The following SLC7A1 variants were observed in gnomAD, a reference collection of about 807,000 sequenced individuals.
SLC7A1 encodes the protein high affinity cationic amino acid transporter 1.
SLC7A1 carries 10 observed loss-of-function variants against 53.9 expected under a neutral mutation model. The ratio of observed to expected loss-of-function variants is 0.19; its 90% CI spans 0.11 to 0.31. SLC7A1 has a LOEUF of 0.31. Among genes scored for constraint, SLC7A1 ranks in the 10% least tolerant of loss-of-function variants. The pLI is 1.00. For missense variants in SLC7A1, 525 were observed against 827.2 expected (o/e 0.63, Z 4.48); for synonymous variants, 342 against 338.7 (o/e 1.01, Z -0.11).
At position 29,567,314 on chromosome 13, in the gene SLC7A1, A is replaced by G. The variant is rs2989343; in HGVS notation, c.-114-13454T>C. Among the ~76,000 whole-genome samples the G allele has an allele frequency of 3.4e-3, 525 of 152,298 alleles. 4 individuals carry two copies. The highest frequency in any genetic ancestry group is 0.012 in the African/African-American group (492 of 41,546). ...GAAGGGAAGCCCTCTCACTCTGTGG[A>G]TACCTATGGTCCAGGATCTCAAAAA... On this transcript the variant is annotated intron_variant, in intron 1 of 12. Coordinates refer to ENST00000380752, the MANE Select transcript of SLC7A1 (RefSeq NM_003045.5).
chr13:29,532,793 G>A, intron 4 of SLC7A1, 31 bp downstream of exon 4: 1 of 1,590,422 alleles, frequency 6.3e-7, no homozygotes, highest in Non-Finnish European at 8.6e-7. Context: ...CCATCACTCT[G>A]ACCCGATCTC....
chr13:29,530,650 C>T lies in SLC7A1; in HGVS notation c.592G>A (p.Val198Ile), dbSNP rs543997644. ...MVNKIFTCIN[V>I]LVLGFIMVSG... The stretch of plus-strand genomic sequence containing the variant: ...ACCATTATGAAGCCCAGGACCAGGA[C>T]GTTAATACAAGTGAATATTTTGTTG... The change falls in exon 5 of 13, where the codon GTC (valine) becomes ATC (isoleucine). Residue 198 changes from valine to isoleucine, a missense_variant. By Grantham distance (29) the Val-to-Ile change is conservative (BLOSUM62 3). This residue lies in a region of SLC7A1 where 354 missense variants were observed against 587.5 expected (regional missense o/e 0.60). Transcript: ENST00000380752. 9.6e-5 allele frequency: 155 copies of T among 1,614,040 alleles called. No individual in the cohort carries two copies. Among genetic ancestry groups the T allele is most frequent in the South Asian group, 5.8e-4 (53 of 91,074 alleles).
chr13:29,568,421 CGA>C (rs1555293579), intron 1 of SLC7A1, among the ~76,000 whole-genome samples: 3 of 152,230 alleles, frequency 2.0e-5, no homozygotes, highest in Non-Finnish European at 4.4e-5. Flanking sequence ...ACTCAGCCTG[CGA>C]GAGCCAACTG....
At chr13:29,526,301 CAA>C (rs34286791) in intron 5 of SLC7A1, among the ~76,000 whole-genome samples, 2 of 150,430 alleles carry the variant, frequency 1.3e-5, no homozygotes, top group African/African-American at 4.9e-5. Context: ...CCCATTAGTA[CAA>C]AAAAAAAATT....
intron 4 of SLC7A1, 99 bp downstream of exon 4, chr13:29,532,725 T>C: frequency 9.3e-7 from 1 of 1,075,976 alleles, no homozygotes; most frequent in South Asian, 1.8e-5. Context: ...ATGGGGGTTA[T>C]GGTTAAAGAG....
intron 1 of SLC7A1, among the ~76,000 whole-genome samples, chr13:29,583,367 T>G (rs895167488): frequency 6.6e-6 from 1 of 152,180 alleles, no homozygotes; most frequent in African/African-American, 2.4e-5. Context: ...CTGTCCCTGC[T>G]CCCAAGTACC....
chr13:29,565,056 A>C (rs1870910701), intron 1 of SLC7A1, among the ~76,000 whole-genome samples: 2 of 152,242 alleles, frequency 1.3e-5, no homozygotes, highest in African/African-American at 4.8e-5. Flanking sequence ...TAAGTGAAGA[A>C]TTGTTTGATG....
chr13:29,534,206 CTGG>C (rs1869303240), intron 3 of SLC7A1, among the ~76,000 whole-genome samples: 1 of 152,176 alleles, frequency 6.6e-6, no homozygotes, highest in East Asian at 1.9e-4. Flanking sequence ...AAAATGTTTG[CTGG>C]AAAAACTGCC....
intron 1 of SLC7A1, among the ~76,000 whole-genome samples, chr13:29,593,743 G>A (rs1467443723): frequency 6.6e-6 from 1 of 151,882 alleles, no homozygotes; most frequent in Non-Finnish European, 1.5e-5. Context: ...GAAGTCAACA[G>A]TCTTGTCTTT....
At chr13:29,535,635 C>T (rs1869373938) in intron 3 of SLC7A1, among the ~76,000 whole-genome samples, 184 bp downstream of exon 3, 1 of 152,146 alleles carries the variant, frequency 6.6e-6, no homozygotes, top group South Asian at 2.1e-4. Context: ...TGCATTTACT[C>T]TAGTAATTTA....
intron 1 of SLC7A1, among the ~76,000 whole-genome samples, chr13:29,585,570 GCCGC>G (rs1871845302): frequency 6.6e-6 from 1 of 152,114 alleles, no homozygotes; most frequent in Non-Finnish European, 1.5e-5. Context: ...AAGTTTAAAA[GCCGC>G]CATCCTCGGG....
At chr13:29,578,485 C>A (rs187004291) in intron 1 of SLC7A1, among the ~76,000 whole-genome samples, 1 of 152,276 alleles carries the variant, frequency 6.6e-6, no homozygotes, top group Non-Finnish European at 1.5e-5. Context: ...ACCTAAAGGA[C>A]CTTGGGCAAA....
At chr13:29,538,615 C>T (rs567033691) in intron 2 of SLC7A1, among the ~76,000 whole-genome samples, 12 of 152,344 alleles carry the variant, frequency 7.9e-5, no homozygotes, top group African/African-American at 2.6e-4. Flanking sequence ...TCTGCAGGCT[C>T]AGGGAGTGAT....
At chr13:29,556,145 C>A (rs1299058130) in intron 1 of SLC7A1, among the ~76,000 whole-genome samples, 2 of 152,190 alleles carry the variant, frequency 1.3e-5, no homozygotes, top group Admixed American at 6.5e-5. Flanking sequence ...TCAACTAAAA[C>A]AACACGTCCA....
intron 5 of SLC7A1, among the ~76,000 whole-genome samples, chr13:29,529,949 C>T (rs1449983464): frequency 2.0e-5 from 3 of 152,148 alleles, no homozygotes; most frequent in African/African-American, 2.4e-5. Flanking sequence ...CCTCCAGTTC[C>T]GGATGTCTGT....
At position 29,550,153 on chromosome 13, in the gene SLC7A1, C is replaced by G. The variant is rs563799381; in HGVS notation, c.-15+3608G>C. ...ACATTTTCGTATACAAACAACATGA[C>G]AAAACTGCAGTTAAATTCCAAGGCA... On this transcript the variant is annotated intron_variant, in intron 2 of 12. Transcript: ENST00000380752. 2.0e-5 allele frequency among the ~76,000 whole-genome samples: 3 copies of G among 152,308 alleles called. No individual in the cohort carries two copies. In the South Asian group the frequency reaches 6.2e-4, roughly 32 times the overall value.
intron 3 of SLC7A1, 100 bp from the exon 4 acceptor site, chr13:29,533,082 G>A (rs544882393): frequency 2.8e-5 from 34 of 1,203,464 alleles, no homozygotes; most frequent in African/African-American, 2.7e-4. Context: ...AGGAGTCACC[G>A]ACGGTGCACT....
At chr13:29,567,669 T>C (rs890688044) in intron 1 of SLC7A1, among the ~76,000 whole-genome samples, 13 of 152,106 alleles carry the variant, frequency 8.5e-5, no homozygotes, top group Non-Finnish European at 1.9e-4. Flanking sequence ...CGGGCATCCC[T>C]CCCACGGATG....
At chr13:29,537,613 A>G (rs2989594) in intron 2 of SLC7A1, among the ~76,000 whole-genome samples, 128,165 of 152,216 alleles carry the variant, frequency 0.84, 55,341 homozygotes, top group Non-Finnish European at 0.94. Context: ...AGTAAGATAC[A>G]CGTTCCTAAT....
Sources: gnomAD v4.1 joint callset for allele counts (sites outside exome capture counted in the v4.1 genomes callset) on GRCh38, gnomAD v4.1.1 for gene constraint, gnomAD v4.1.1 regional missense constraint, MANE v1.5 for transcripts, NCBI Gene and HGNC (gene_info 2026-07-23, HGNC 2026-07-21) for gene names.